The following DPY19L2 variants were observed in gnomAD, a reference collection of about 807,000 sequenced individuals.
DPY19L2 encodes the protein probable C-mannosyltransferase DPY19L2.
DPY19L2 carries 34 observed loss-of-function variants against 97.9 expected under a neutral mutation model. The observed-to-expected ratio is 0.35, with a 90% CI of 0.26 to 0.46. The LOEUF is 0.46. Ranked by LOEUF, DPY19L2 falls within the 20% of genes least tolerant of loss-of-function variation. The pLI is 1.00. For missense variants in DPY19L2, 623 were observed against 911.4 expected (o/e 0.68, Z 4.07); for synonymous variants, 230 against 307.9 (o/e 0.75, Z 2.65).
intron 13 of DPY19L2, among the ~76,000 whole-genome samples, 154 bp downstream of exon 13, chr12:63,600,152 G>T (rs1469717936): frequency 6.6e-6 from 1 of 152,106 alleles, no homozygotes; most frequent in African/African-American, 2.4e-5. Context: ...TGAACTGCAA[G>T]ACTTTATTAT....
chr12:63,600,114 T>C (rs926840334), intron 13 of DPY19L2, among the ~76,000 whole-genome samples, 192 bp downstream of exon 13: 3 of 152,184 alleles, frequency 2.0e-5, no homozygotes, highest in African/African-American at 7.2e-5. Context: ...ATGAATATTT[T>C]TTCTTTTTAG....
chr12:63,663,842 T>C lies in DPY19L2; in HGVS notation c.366A>G (p.Leu122=). The part of the protein sequence containing the change: ...IAVFVAILHW[L]HLVTLFENDR... ...CATTTTCAAAAAGTGTTACTAAATGTAACCTAGAAAAAAATGAAGTATCAT... is the reference window on the plus strand; with the variant it reads ...CATTTTCAAAAAGTGTTACTAAATGCAACCTAGAAAAAAATGAAGTATCAT... Residue 122 remains leucine, a synonymous_variant, in exon 3 of 22, where the codon TTA becomes TTG. Coordinates refer to ENST00000324472, the MANE Select transcript of DPY19L2 (RefSeq NM_173812.5). 3.1e-6 allele frequency: 5 copies of C among 1,594,878 alleles called. No individual in the cohort carries two copies. The highest frequency in any genetic ancestry group is 4.3e-6 in the Non-Finnish European group (5 of 1,172,490).
In DPY19L2 at chr12:63,609,787, C is replaced by T. The variant is rs185140774; in HGVS notation, c.1219-1112G>A. On this transcript the variant is annotated intron_variant, in intron 11 of 21. Coordinates refer to ENST00000324472, the MANE Select transcript of DPY19L2 (RefSeq NM_173812.5). ...TCCCAAGTTTGGGGTGAAAACAGTG[C>T]TCTCATGAGAAACTGAATTCTCGGA... is the stretch of plus-strand genomic sequence containing the variant. 3.9e-5 allele frequency among the ~76,000 whole-genome samples: 6 copies of T among 152,206 alleles called. No homozygotes were observed. The East Asian group carries it at 1.2e-3, about 29-fold the overall frequency.
intron 11 of DPY19L2, among the ~76,000 whole-genome samples, chr12:63,614,117 G>C (rs1419486487): frequency 6.6e-6 from 1 of 150,794 alleles, no homozygotes; most frequent in Non-Finnish European, 1.5e-5. Context: ...TTGAACCCAG[G>C]AGTTGGAGGT....
intron 9 of DPY19L2, among the ~76,000 whole-genome samples, chr12:63,618,697 C>T (rs1368351497): frequency 6.6e-6 from 1 of 152,066 alleles, no homozygotes; most frequent in Non-Finnish European, 1.5e-5. Context: ...TCAAGCAGCC[C>T]TCAGAAAGAC....
intron 13 of DPY19L2, among the ~76,000 whole-genome samples, chr12:63,598,816 G>A (rs2942622): frequency 1.8e-4 from 28 of 151,560 alleles, no homozygotes; most frequent in African/African-American, 6.5e-4. Flanking sequence ...GGTATTCCTC[G>A]TAACTGTCAC....
chr12:63,664,336 TA>T (rs1035406055), intron 2 of DPY19L2, among the ~76,000 whole-genome samples: 1 of 147,150 alleles, frequency 6.8e-6, no homozygotes, highest in African/African-American at 2.5e-5. Context: ...GACTCTGTCT[TA>T]AAAAAAACAA....
intron 4 of DPY19L2, among the ~76,000 whole-genome samples, chr12:63,658,055 CTTG>C (rs1166787190): frequency 6.6e-6 from 1 of 152,100 alleles, no homozygotes; most frequent in Non-Finnish European, 1.5e-5. Context: ...GGCTATTTTC[CTTG>C]TTGTAGGAAT....
rs534227707 is a variant in DPY19L2 at position 63,569,526 on chromosome 12, T to C, written c.2001-177A>G. 839 of 431,382 alleles carry C rather than the reference T, an allele frequency of 1.9e-3. 1 individual carries two copies. The highest frequency in any genetic ancestry group is 3.1e-3 in the Non-Finnish European group (720 of 233,902). The allele number at this position is 431,382 out of a possible 1,614,324, so 26.7% of individuals were successfully genotyped here. A position where few individuals can be genotyped will look rare whatever the true frequency, so the allele number is the denominator to read the frequency against. On this transcript the variant is annotated intron_variant, in intron 20 of 21. Coordinates refer to ENST00000324472, the MANE Select transcript of DPY19L2 (RefSeq NM_173812.5). ...CAGTTTCCACATTCCTACTTATATT[T>C]TGAATGTAATAAAACTTACAGCAAT...
chr12:63,627,075 C>A (rs973268060), intron 6 of DPY19L2, among the ~76,000 whole-genome samples: 1 of 152,094 alleles, frequency 6.6e-6, no homozygotes, highest in African/African-American at 2.4e-5. Flanking sequence ...CTGTGCCCAG[C>A]CACATAAAAT....
intron 2 of DPY19L2, 55 bp downstream of exon 2, chr12:63,665,780 T>C (rs1896264698): frequency 1.4e-6 from 2 of 1,402,640 alleles, no homozygotes; most frequent in Middle Eastern, 2.5e-4. Context: ...CAAAGAGTGA[T>C]GGCAATTTTT....
At chr12:63,632,010 A>C (rs1448435987) in intron 6 of DPY19L2, among the ~76,000 whole-genome samples, 275 of 152,288 alleles carry the variant, frequency 1.8e-3, no homozygotes, top group Admixed American at 4.1e-3. Flanking sequence ...GACAAAATTC[A>C]ACAACCCCTC....
At chr12:63,667,981 G>C (rs1198290716) in intron 1 of DPY19L2, 76 bp downstream of exon 1, 1 of 1,510,260 alleles carries the variant, frequency 6.6e-7, no homozygotes, top group Non-Finnish European at 8.9e-7. Context: ...ACCCTTGCTT[G>C]TTAAACTGAT....
intron 4 of DPY19L2, among the ~76,000 whole-genome samples, chr12:63,651,408 A>G (rs1894208428): frequency 6.6e-6 from 1 of 152,172 alleles, no homozygotes; most frequent in Admixed American, 6.5e-5. Flanking sequence ...AATGCAAACT[A>G]ATTAAATTAA....
Position 63,597,907 on chromosome 12 carries a change from G to T in DPY19L2, c.1363C>A (p.Arg455Ser), listed in dbSNP as rs754869560. 2.5e-6 allele frequency: 4 copies of T among 1,585,456 alleles called. No individual in the cohort carries two copies. The highest frequency in any genetic ancestry group is 3.4e-6 in the Non-Finnish European group (4 of 1,167,002). Residue 455 changes from arginine (R) to serine (S), a missense_variant, in exon 14 of 22, where the codon CGC becomes AGC. Physicochemically the swap from Arg to Ser is moderately radical, Grantham distance 110 (BLOSUM62 -1). Transcript: ENST00000324472. ...SKILGVSDHIRLSDLIAARIL... is the reference protein window; with the variant it reads ...SKILGVSDHISLSDLIAARIL... ...CTGGCTGCTATAAGATCACTCAGGC[G>T]AATCTGGGAGAAAATAAAGTAAAAT...
At chr12:63,657,423 G>C (rs1202572981) in intron 4 of DPY19L2, among the ~76,000 whole-genome samples, 1 of 152,124 alleles carries the variant, frequency 6.6e-6, no homozygotes, top group Non-Finnish European at 1.5e-5. Flanking sequence ...TTAATGTAAT[G>C]GGGGAAGAGT....
At chr12:63,655,136 AAAAC>A (rs1193321092) in intron 4 of DPY19L2, among the ~76,000 whole-genome samples, 6 of 152,190 alleles carry the variant, frequency 3.9e-5, no homozygotes, top group Non-Finnish European at 5.9e-5. Flanking sequence ...CAAAATTCAT[AAAAC>A]AAACAATTCA....
intron 11 of DPY19L2, among the ~76,000 whole-genome samples, chr12:63,612,741 G>A (rs543074930): frequency 1.2e-4 from 18 of 151,268 alleles, no homozygotes; most frequent in East Asian, 3.9e-4. Context: ...ACAAAAGCTC[G>A]TTCCTTAAGA....
chr12:63,648,546 G>C (rs1439653994), intron 4 of DPY19L2, among the ~76,000 whole-genome samples: 1 of 151,752 alleles, frequency 6.6e-6, no homozygotes, highest in Admixed American at 6.6e-5. Context: ...TCCTGCCTCA[G>C]CCTCCCAAGT....
Sources: allele counts gnomAD v4.1 joint callset (sites outside exome capture counted in the v4.1 genomes callset), GRCh38; gene constraint gnomAD v4.1.1; transcripts MANE v1.5; gene names NCBI Gene and HGNC (gene_info 2026-07-23, HGNC 2026-07-21).